NFATC2: variants seen among roughly 807,000 people sequenced by gnomAD.
NFATC2 encodes nuclear factor of activated T cells 2, also known as nuclear factor of activated T-cells, cytoplasmic 2.
NFATC2 carries 22 observed loss-of-function variants against 87.3 expected under a neutral mutation model. That is an observed-to-expected ratio of 0.25 (90% confidence interval 0.18 to 0.36). The LOEUF (loss-of-function observed/expected upper bound fraction) is 0.36, where lower values mean the gene tolerates loss of function less well. Among genes scored for constraint, NFATC2 ranks in the 10% least tolerant of loss-of-function variants. The pLI is 1.00. For synonymous variants in NFATC2, 565 were observed against 542.2 expected, an observed-to-expected ratio of 1.04 and a Z score of -0.58; for missense variants, 1,149 against 1,259.1, an observed-to-expected ratio of 0.91 and a Z score of 1.32.
intron 9 of NFATC2, among the ~76,000 whole-genome samples, chr20:51,424,964 G>A (rs1197232339): frequency 6.6e-6 from 1 of 151,992 alleles, no homozygotes. Context: ...ATATGACAAT[G>A]CTTTGTGGCC....
chr20:51,410,209 C>CAAAAAA (rs386393961), intron 9 of NFATC2, among the ~76,000 whole-genome samples: 18 of 103,088 alleles, frequency 1.7e-4, no homozygotes, highest in African/African-American at 6.9e-4. Flanking sequence ...GACTCTGTCT[C>CAAAAAA]AAAAAAAAAA....
chr20:51,454,882 A>G (rs1986234202), intron 5 of NFATC2, among the ~76,000 whole-genome samples, 194 bp from the exon 6 acceptor site: 1 of 152,224 alleles, frequency 6.6e-6, no homozygotes, highest in Non-Finnish European at 1.5e-5. Context: ...GCTCTAAGTC[A>G]TTTGAGCTAA....
At chr20:51,423,478 G>A (rs142970926) in intron 9 of NFATC2, among the ~76,000 whole-genome samples, 1 of 152,072 alleles carries the variant, frequency 6.6e-6, no homozygotes, top group Admixed American at 6.6e-5. Context: ...GAGCAGGGAA[G>A]TGAGTCTTAG....
At chr20:51,485,188 T>C (rs772665802) in intron 3 of NFATC2, among the ~76,000 whole-genome samples, 1 of 152,140 alleles carries the variant, frequency 6.6e-6, no homozygotes, top group African/African-American at 2.4e-5. Flanking sequence ...TGTGGAGAGA[T>C]CAGAGACAAG....
chr20:51,507,020 C>T (rs762160714), intron 3 of NFATC2, among the ~76,000 whole-genome samples: 1 of 152,244 alleles, frequency 6.6e-6, no homozygotes, highest in African/African-American at 2.4e-5. Context: ...TCCCATCTCA[C>T]TCTCACATCC....
intron 3 of NFATC2, among the ~76,000 whole-genome samples, chr20:51,509,024 C>G (rs148594520): frequency 6.6e-5 from 10 of 152,082 alleles, no homozygotes; most frequent in East Asian, 5.8e-4. Flanking sequence ...GATCCGCCCC[C>G]CTATCCTTCC....
At chr20:51,399,358 A>G (rs1987732116) in intron 9 of NFATC2, 1 of 152,236 alleles carries the variant, frequency 6.6e-6, no homozygotes, top group Non-Finnish European at 1.5e-5. Flanking sequence ...GTGGCTTTCA[A>G]AACACCTGTC....
At chr20:51,511,680 A>AGCTTCC (rs1457102517) in intron 3 of NFATC2, among the ~76,000 whole-genome samples, 3 of 152,168 alleles carry the variant, frequency 2.0e-5, no homozygotes, top group Non-Finnish European at 4.4e-5. Context: ...TAGAGTCCAT[A>AGCTTCC]GCTTCCGCTC....
intron 6 of NFATC2, among the ~76,000 whole-genome samples, chr20:51,446,298 C>A (rs1985047047): frequency 6.6e-6 from 1 of 152,192 alleles, no homozygotes; most frequent in Non-Finnish European, 1.5e-5. Flanking sequence ...AACCAGGCTC[C>A]CAGAGTGCAG....
In NFATC2 at chr20:51,524,110, T is replaced by C. The variant is rs773265936; in HGVS notation, c.131A>G (p.Glu44Gly). The C allele has an allele frequency of 1.4e-6, 2 of 1,451,322 alleles. No homozygotes were observed. Among genetic ancestry groups the C allele is most frequent in the South Asian group, 3.2e-5 (2 of 62,006 alleles). 89.9% of individuals were successfully genotyped at this position (1,451,322 alleles called of 1,614,324 possible). A position where few individuals can be genotyped will look rare whatever the true frequency, so the allele number is the denominator to read the frequency against. ...FDYEYLNPNEEEPNAHKVASP... is the reference protein window; with the variant it reads ...FDYEYLNPNEGEPNAHKVASP... ...GGCGACCTTATGTGCATTCGGCTCT[T>C]CTGGAAAGAGAAGGGGGAAGGGGGT... is the stretch of plus-strand genomic sequence containing the variant. The change falls in exon 2 of 11, where the codon GAA becomes GGA. Residue 44 changes from glutamate (E) to glycine (G), a missense_variant and splice_region_variant. Coordinates refer to ENST00000371564, the MANE Select transcript of NFATC2 (RefSeq NM_012340.5). The surrounding 1 kb of genome is among the most constrained non-coding windows in gnomAD (Gnocchi z 4.0).
intron 5 of NFATC2, among the ~76,000 whole-genome samples, chr20:51,469,862 A>G (rs949539002): frequency 1.3e-5 from 2 of 152,132 alleles, no homozygotes; most frequent in Non-Finnish European, 2.9e-5. Flanking sequence ...TTGATTTCAG[A>G]CTTCTGGCCT....
At chr20:51,490,325 G>C (rs1262268947) in intron 3 of NFATC2, among the ~76,000 whole-genome samples, 1 of 152,208 alleles carries the variant, frequency 6.6e-6, no homozygotes, top group Non-Finnish European at 1.5e-5. Context: ...GCTAAGAAGA[G>C]AGAAGCCAGG....
intron 5 of NFATC2, among the ~76,000 whole-genome samples, chr20:51,464,011 A>AT (rs1369916137): frequency 6.6e-6 from 1 of 151,966 alleles, no homozygotes; most frequent in African/African-American, 2.4e-5. Context: ...CCACTCACTC[A>AT]TCAGGTGGCC....
At chr20:51,404,987 G>A (rs1365068885) in intron 9 of NFATC2, among the ~76,000 whole-genome samples, 1 of 152,166 alleles carries the variant, frequency 6.6e-6, no homozygotes, top group African/African-American at 2.4e-5. Context: ...CCAGCTCTTG[G>A]GATGAGTAGA....
chr20:51,401,450 A>G (rs939429270), intron 9 of NFATC2, among the ~76,000 whole-genome samples: 16 of 152,238 alleles, frequency 1.1e-4, no homozygotes, highest in African/African-American at 3.9e-4. Flanking sequence ...CCAGTCTAAA[A>G]GAGGCCATTC....
intron 10 of NFATC2, among the ~76,000 whole-genome samples, chr20:51,398,205 G>A (rs969174037): frequency 1.3e-5 from 2 of 152,174 alleles, no homozygotes; most frequent in Non-Finnish European, 2.9e-5. Flanking sequence ...CTAAGCACAG[G>A]GCGGGGCTTC....
intron 5 of NFATC2, among the ~76,000 whole-genome samples, chr20:51,472,919 C>T (rs1037092947): frequency 1.3e-5 from 2 of 152,134 alleles, no homozygotes; most frequent in East Asian, 1.9e-4. Flanking sequence ...CTGCGCCTTG[C>T]CTCTTCTTCA....
intron 3 of NFATC2, among the ~76,000 whole-genome samples, chr20:51,492,398 C>G: frequency 6.6e-6 from 1 of 152,332 alleles, no homozygotes; most frequent in Non-Finnish European, 1.5e-5. Context: ...GACATGGGCA[C>G]GCCACCCCAG....
chr20:51,464,701 C>G (rs930089002), intron 5 of NFATC2, among the ~76,000 whole-genome samples: 5 of 152,212 alleles, frequency 3.3e-5, no homozygotes, highest in Non-Finnish European at 5.9e-5. Context: ...CAGGTGCCCA[C>G]AGCCCCCTGG....
Sources: allele counts gnomAD v4.1 joint callset (sites outside exome capture counted in the v4.1 genomes callset), GRCh38; gene constraint gnomAD v4.1.1; non-coding constraint Gnocchi (gnomAD v3.1); transcripts MANE v1.5; gene names NCBI Gene and HGNC (gene_info 2026-07-23, HGNC 2026-07-21).